EIF4ENIF1: variants seen among roughly 807,000 people sequenced by gnomAD.
EIF4ENIF1 encodes the protein eukaryotic translation initiation factor 4E nuclear import factor 1, also known as eukaryotic translation initiation factor 4E transporter.
In EIF4ENIF1, 23 loss-of-function variants were observed where a neutral mutation model predicts 110.5. The observed-to-expected ratio is 0.21, with a 90% CI of 0.15 to 0.29. The LOEUF is 0.29. Among genes scored for constraint, EIF4ENIF1 ranks in the 10% least tolerant of loss-of-function variants. The probability of loss-of-function intolerance (pLI) is 1.00; values close to 1 mark genes in which losing one functional copy is unlikely to be tolerated. For synonymous variants in EIF4ENIF1, 440 were observed against 437.0 expected (o/e 1.01, Z -0.09); for missense variants, 1,031 against 1,221.1 (o/e 0.84, Z 2.32).
chr22:31,471,783 A>G, intron 3 of EIF4ENIF1, 61 bp downstream of exon 3: 2 of 1,386,330 alleles, frequency 1.4e-6, no homozygotes, highest in Non-Finnish European at 2.0e-6. Context: ...TAATTTACCA[A>G]GTTTGGTATA....
In EIF4ENIF1 at chr22:31,442,995, C is replaced by G. The variant is rs1456168581; in HGVS notation, c.2173G>C (p.Asp725His). The G allele has an allele frequency of 1.9e-6, 3 of 1,614,120 alleles. No homozygotes were observed. The highest frequency in any genetic ancestry group is 2.5e-6 in the Non-Finnish European group (3 of 1,179,984). ...EPASGKAALGDSKEDTQKASE... is the reference protein window; with the variant it reads ...EPASGKAALGHSKEDTQKASE... ...GCCTTCTGAGTATCCTCTTTACTGT[C>G]ACCAAGAGCTGCTTTTCCAGATGCT... is the stretch of plus-strand genomic sequence containing the variant. The change falls in exon 16 of 19, where the codon GAC becomes CAC. Residue 725 changes from aspartate (D) to histidine (H), a missense_variant. Physicochemically the swap from Asp to His is moderately conservative, Grantham distance 81 (BLOSUM62 -1). This residue lies in a region of EIF4ENIF1 where 309 missense variants were observed against 299.1 expected (regional missense o/e 1.03). Transcript: ENST00000330125.
intron 2 of EIF4ENIF1, among the ~76,000 whole-genome samples, chr22:31,484,706 T>C (rs575925425): frequency 1.3e-5 from 2 of 152,254 alleles, no homozygotes; most frequent in African/African-American, 4.8e-5. Context: ...TGGTGGCGCA[T>C]GCTTGTAATC....
chr22:31,472,227 A>G (rs1238586223), intron 2 of EIF4ENIF1, among the ~76,000 whole-genome samples: 1 of 151,912 alleles, frequency 6.6e-6, no homozygotes, highest in Non-Finnish European at 1.5e-5. Flanking sequence ...CCTCTGCCTA[A>G]TCTTACCAAT....
At chr22:31,475,928 T>C (rs1212774678) in intron 2 of EIF4ENIF1, among the ~76,000 whole-genome samples, 1 of 147,046 alleles carries the variant, frequency 6.8e-6, no homozygotes, top group Non-Finnish European at 1.5e-5. Context: ...GTGTCAGATC[T>C]GTAGGGTTAG....
chr22:31,441,658 A>C (rs2050303154), intron 17 of EIF4ENIF1, 116 bp downstream of exon 17: 12 of 910,498 alleles, frequency 1.3e-5, no homozygotes, highest in Non-Finnish European at 1.8e-5. Context: ...AGATGGGAGA[A>C]TCTAGTAACA....
chr22:31,459,303 A>C (rs1435975310), intron 6 of EIF4ENIF1, among the ~76,000 whole-genome samples: 1 of 151,970 alleles, frequency 6.6e-6, no homozygotes, highest in Non-Finnish European at 1.5e-5. Context: ...TTAAAAATGG[A>C]ACCAAATTAA....
At chr22:31,459,996 A>G (rs992161450) in intron 6 of EIF4ENIF1, among the ~76,000 whole-genome samples, 1 of 152,202 alleles carries the variant, frequency 6.6e-6, no homozygotes, top group African/African-American at 2.4e-5. Flanking sequence ...CTCACTTAAG[A>G]AAAACATAAT....
At chr22:31,454,823 G>A (rs2050767958) in intron 9 of EIF4ENIF1, among the ~76,000 whole-genome samples, 1 of 152,176 alleles carries the variant, frequency 6.6e-6, no homozygotes, top group African/African-American at 2.4e-5. Flanking sequence ...GCAGATTTGT[G>A]AGGAAATGGT....
downstream of EIF4ENIF1, chr22:31,437,688 T>G (rs1205234814): frequency 6.6e-6 from 1 of 152,126 alleles, no homozygotes; most frequent in Non-Finnish European, 1.5e-5. Context: ...CTCCTTACCT[T>G]GCACCTATTA....
rs758401365 is a variant in EIF4ENIF1 at position 31,440,716 on chromosome 22, G to T, written c.2704C>A (p.Leu902Ile). The T allele has an allele frequency of 9.9e-6, 16 of 1,613,776 alleles. No homozygotes were observed. The African/African-American group carries it at 2.0e-4, about 20-fold the overall frequency. Residue 902 changes from leucine to isoleucine, a missense_variant, in exon 18 of 19, where the codon CTA (leucine) becomes ATA (isoleucine). Around this residue, in one of 3 missense-constraint regions of EIF4ENIF1, gnomAD observed 309 missense variants for 299.1 expected, o/e 1.03. Transcript: ENST00000330125. ...PLHLAMVQQQ[L>I]QRSVLHPPGS... ...TTCCTGAACCTACCTGAGCGCTGTA[G>T]CTGCTGTTGCACCATTGCCAGATGC...
At position 31,471,777 on chromosome 22, in the gene EIF4ENIF1, T is replaced by C. The variant is rs575200469; in HGVS notation, c.170+67A>G. The C allele has an allele frequency of 2.4e-4, 328 of 1,355,486 alleles. 8 individuals carry two copies. The South Asian group carries it at 3.6e-3, about 15-fold the overall frequency. 84.0% of individuals were successfully genotyped at this position (1,355,486 alleles called of 1,614,324 possible). On this transcript the variant is annotated intron_variant, in intron 3 of 18. Transcript: ENST00000330125. Reference sequence around the variant, plus strand: ...ACTTCAAAACAATACAATTCTTAATTTACCAAGTTTGGTATAACAAAAAGT... The same window carrying C: ...ACTTCAAAACAATACAATTCTTAATCTACCAAGTTTGGTATAACAAAAAGT...
chr22:31,483,814 A>T (rs922306388), intron 2 of EIF4ENIF1, among the ~76,000 whole-genome samples: 4 of 152,166 alleles, frequency 2.6e-5, no homozygotes, highest in Non-Finnish European at 4.4e-5. Context: ...CTTAGATACT[A>T]CCAAAATATA....
At chr22:31,454,430 A>T in intron 9 of EIF4ENIF1, 54 bp from the exon 10 acceptor site, 1 of 1,460,898 alleles carries the variant, frequency 6.8e-7, no homozygotes. Context: ...TCTGGTAGGA[A>T]TTCTCTTTGG....
At chr22:31,455,484 C>T (rs1316799114) in intron 8 of EIF4ENIF1, among the ~76,000 whole-genome samples, 169 bp from the exon 9 acceptor site, 3 of 151,580 alleles carry the variant, frequency 2.0e-5, no homozygotes, top group Non-Finnish European at 4.4e-5. Context: ...CTGCAACCTC[C>T]GCCTGCCAGT....
In EIF4ENIF1 at chr22:31,439,710, G is replaced by T; in HGVS notation, c.*170C>A. The T allele has an allele frequency of 2.3e-6, 2 of 887,888 alleles. No homozygotes were observed. Among genetic ancestry groups the T allele is most frequent in the Non-Finnish European group, 3.3e-6 (2 of 600,456 alleles). 55.0% of individuals were successfully genotyped at this position (887,888 alleles called of 1,614,324 possible). On this transcript the variant is annotated 3_prime_UTR_variant, in exon 19 of 19. Coordinates refer to ENST00000330125, the MANE Select transcript of EIF4ENIF1 (RefSeq NM_019843.4). ...CAGACAATGTACACTCCACTCGACTGGTTAAGATCCTTCCATCATAATGCG... is the reference window on the plus strand; with the variant it reads ...CAGACAATGTACACTCCACTCGACTTGTTAAGATCCTTCCATCATAATGCG...
At chr22:31,483,902 G>A (rs1348985995) in intron 2 of EIF4ENIF1, among the ~76,000 whole-genome samples, 1 of 152,138 alleles carries the variant, frequency 6.6e-6, no homozygotes, top group African/African-American at 2.4e-5. Flanking sequence ...CAGGGTAACA[G>A]GTGCATATGA....
intron 18 of EIF4ENIF1, 145 bp downstream of exon 18, chr22:31,440,559 T>C: frequency 9.5e-7 from 1 of 1,052,436 alleles, no homozygotes; most frequent in Non-Finnish European, 1.4e-6. Flanking sequence ...ATTTACTTCA[T>C]CTTATTATCT....
chr22:31,484,057 A>C (rs1253548888), intron 2 of EIF4ENIF1, among the ~76,000 whole-genome samples: 1 of 152,224 alleles, frequency 6.6e-6, no homozygotes, highest in East Asian at 1.9e-4. Flanking sequence ...CATCTGAGTT[A>C]CTTGACACCA....
At position 31,462,957 on chromosome 22, in the gene EIF4ENIF1, C is replaced by T. The variant is rs1432571820; in HGVS notation, c.762G>A (p.Arg254=). 6.2e-7 allele frequency: 1 copy of T among 1,614,034 alleles called. No individual in the cohort carries two copies. The highest frequency in any genetic ancestry group is 8.5e-7 in the Non-Finnish European group (1 of 1,179,972). ...CTTCCTTCACAGAGGCTGTCCGTCG[C>T]CTTGTTCTTTTTCTCCCTTTGTGAT... ...EEDHKGRKRT[R]RRTASVKEGI... is the part of the protein sequence containing the mutation. Residue 254 remains arginine (R), a synonymous_variant, in exon 6 of 19, where the codon AGG becomes AGA. Transcript: ENST00000330125.
Sources: gnomAD v4.1 joint callset for allele counts (sites outside exome capture counted in the v4.1 genomes callset) on GRCh38, gnomAD v4.1.1 for gene constraint, gnomAD v4.1.1 regional missense constraint, MANE v1.5 for transcripts, NCBI Gene and HGNC (gene_info 2026-07-23, HGNC 2026-07-21) for gene names.